The following CLEC3B variants were observed in gnomAD, a reference collection of about 807,000 sequenced individuals.
CLEC3B encodes the protein tetranectin.
A neutral mutation model predicts 15.4 loss-of-function variants in CLEC3B; 13 were observed. The observed-to-expected ratio is 0.84, with a 90% CI of 0.55 to 1.34. The LOEUF (loss-of-function observed/expected upper bound fraction) is 1.34, where lower values mean the gene tolerates loss of function less well. Ranked by LOEUF, CLEC3B falls within the 40% of genes most tolerant of loss-of-function variation. The pLI is 0.00. For missense variants in CLEC3B, 242 were observed against 268.6 expected, an observed-to-expected ratio of 0.90 and a Z score of 0.69; for synonymous variants, 112 against 114.7, an observed-to-expected ratio of 0.98 and a Z score of 0.15.
At chr3:45,026,544 TC>T in intron 1 of CLEC3B, 73 bp downstream of exon 1, 1 of 1,332,258 alleles carries the variant, frequency 7.5e-7, no homozygotes, top group South Asian at 1.2e-5. Context: ...GTCCTCATGC[TC>T]CTTTCCTTCA....
intron 1 of CLEC3B, among the ~76,000 whole-genome samples, chr3:45,028,193 C>T (rs1697509393): frequency 6.6e-6 from 1 of 152,256 alleles, no homozygotes; most frequent in Admixed American, 6.5e-5. Context: ...AACACCGTCT[C>T]TGCTCTTAAG....
chr3:45,030,899 T>G lies in CLEC3B; in HGVS notation c.182T>G (p.Leu61Arg), dbSNP rs1697544774. Residue 61 changes from leucine (L) to arginine (R), a missense_variant, in exon 2 of 3, where the codon CTG (leucine) becomes CGG (arginine). By Grantham distance (102) the Leu-to-Arg change is moderately radical. Transcript: ENST00000296130. ...ACCCTGGCCCAGGAGGTGGCCCTGCTGAAGGAGCAGCAGGCCCTGCAGACG... is the reference window on the plus strand; with the variant it reads ...ACCCTGGCCCAGGAGGTGGCCCTGCGGAAGGAGCAGCAGGCCCTGCAGACG... ...LDTLAQEVAL[L>R]KEQQALQTVC... 1 of 1,586,236 alleles carries G rather than the reference T, an allele frequency of 6.3e-7. No homozygotes were observed. The highest frequency in any genetic ancestry group is 8.6e-7 in the Non-Finnish European group (1 of 1,166,134).
intron 2 of CLEC3B, among the ~76,000 whole-genome samples, chr3:45,031,947 A>C (rs941055592): frequency 6.0e-5 from 9 of 151,210 alleles, no homozygotes; most frequent in Admixed American, 5.3e-4. Flanking sequence ...TGCTTGATGC[A>C]CGTTAACTCA....
chr3:45,029,859 C>A (rs1406587249), intron 1 of CLEC3B, among the ~76,000 whole-genome samples: 1 of 152,216 alleles, frequency 6.6e-6, no homozygotes, highest in Non-Finnish European at 1.5e-5. Flanking sequence ...TCCCCGCCTT[C>A]CCCTGCTGAC....
At chr3:45,027,279 A>C (rs897575964) in intron 1 of CLEC3B, among the ~76,000 whole-genome samples, 1 of 152,236 alleles carries the variant, frequency 6.6e-6, no homozygotes, top group African/African-American at 2.4e-5. Flanking sequence ...CCAAGGGCAC[A>C]GAAAAGGAAA....
At chr3:45,034,045 A>C (rs1367197316) in intron 2 of CLEC3B, among the ~76,000 whole-genome samples, 3 of 152,236 alleles carry the variant, frequency 2.0e-5, no homozygotes, top group Non-Finnish European at 4.4e-5. Context: ...CTTATGGGTC[A>C]GTCTTGGGTG....
chr3:45,032,450 C>G (rs962533348), intron 2 of CLEC3B, among the ~76,000 whole-genome samples: 1 of 152,196 alleles, frequency 6.6e-6, no homozygotes, highest in Admixed American at 6.5e-5. Context: ...TATAAGCTCT[C>G]CCAGAACAGT....
intron 1 of CLEC3B, among the ~76,000 whole-genome samples, chr3:45,027,248 C>T (rs1485877022): frequency 6.6e-6 from 1 of 152,174 alleles, no homozygotes; most frequent in African/African-American, 2.4e-5. Context: ...GGGACTGAGG[C>T]AGAGAAACAA....
chr3:45,036,048 G>T lies in CLEC3B; in HGVS notation c.*124G>T, dbSNP rs965059107. On this transcript the variant is annotated 3_prime_UTR_variant, in exon 3 of 3. Coordinates refer to ENST00000296130, the MANE Select transcript of CLEC3B (RefSeq NM_003278.3). ...CTTGGAGCCTCTTTTTGCAAATAAA[G>T]TTGGTGCAGCTTCGCGGAGAGGAGA... The T allele has an allele frequency of 1.0e-5, 12 of 1,188,912 alleles. No homozygotes were observed. The African/African-American group carries it at 1.7e-4, about 17-fold the overall frequency. 73.6% of individuals were successfully genotyped at this position (1,188,912 alleles called of 1,614,324 possible). A position where few individuals can be genotyped will look rare whatever the true frequency, so the allele number is the denominator to read the frequency against.
At chr3:45,034,577 G>C (rs184939070) in intron 2 of CLEC3B, 2 of 152,356 alleles carry the variant, frequency 1.3e-5, no homozygotes, top group Non-Finnish European at 1.5e-5. Flanking sequence ...GATCTCAGGA[G>C]AAATCAGAGT....
chr3:45,032,242 G>T (rs1049862906), intron 2 of CLEC3B, among the ~76,000 whole-genome samples: 1 of 151,970 alleles, frequency 6.6e-6, no homozygotes, highest in Non-Finnish European at 1.5e-5. Flanking sequence ...CCTTCTCACC[G>T]GATGGTTTTA....
rs1697641613 is a variant in CLEC3B, at chr3:45,036,068, A to T, written c.*144A>T. Reference sequence around the variant, plus strand: ...ATAAAGTTGGTGCAGCTTCGCGGAGAGGAGAGGCGCTGCAGTCTGTGCTGT... The same window carrying T: ...ATAAAGTTGGTGCAGCTTCGCGGAGTGGAGAGGCGCTGCAGTCTGTGCTGT... On this transcript the variant is annotated 3_prime_UTR_variant, in exon 3 of 3. Coordinates refer to ENST00000296130, the MANE Select transcript of CLEC3B (RefSeq NM_003278.3). 1 of 1,016,472 alleles carries T rather than the reference A, an allele frequency of 9.8e-7. No individual in the cohort carries two copies. Among genetic ancestry groups the T allele is most frequent in the Non-Finnish European group, 1.4e-6 (1 of 718,058 alleles). 63.0% of individuals were successfully genotyped at this position (1,016,472 alleles called of 1,614,324 possible). A position where few individuals can be genotyped will look rare whatever the true frequency, so the allele number is the denominator to read the frequency against.
chr3:45,030,959 C>T (rs1254340437), intron 2 of CLEC3B, 34 bp downstream of exon 2: 22 of 1,456,844 alleles, frequency 1.5e-5, no homozygotes, highest in African/African-American at 4.2e-5. Context: ...TGGGCAGGAG[C>T]GTCTGAGAGA....
chr3:45,028,353 C>T (rs1697512029), intron 1 of CLEC3B, among the ~76,000 whole-genome samples: 1 of 152,132 alleles, frequency 6.6e-6, no homozygotes, highest in Non-Finnish European at 1.5e-5. Context: ...GCCAGGAGTT[C>T]AAGACAAGTC....
chr3:45,031,716 C>T (rs552750919), intron 2 of CLEC3B, among the ~76,000 whole-genome samples: 1 of 152,322 alleles, frequency 6.6e-6, no homozygotes, highest in East Asian at 1.9e-4. Context: ...TTCTCACTCC[C>T]CATGTTCCTG....
At chr3:45,029,752 C>T (rs1697529262) in intron 1 of CLEC3B, among the ~76,000 whole-genome samples, 2 of 152,222 alleles carry the variant, frequency 1.3e-5, no homozygotes, top group African/African-American at 4.8e-5. Flanking sequence ...CCTGGTGTTT[C>T]AGAAAGACCA....
intron 1 of CLEC3B, among the ~76,000 whole-genome samples, chr3:45,029,671 A>G (rs532310750): frequency 1.3e-5 from 2 of 152,316 alleles, no homozygotes; most frequent in African/African-American, 2.4e-5. Flanking sequence ...ATGTATGCAG[A>G]CACAGCCAAA....
At chr3:45,028,229 A>G (rs1697510393) in intron 1 of CLEC3B, among the ~76,000 whole-genome samples, 1 of 152,236 alleles carries the variant, frequency 6.6e-6, no homozygotes, top group Non-Finnish European at 1.5e-5. Context: ...GTTCTCACTC[A>G]GGCATCAACA....
At chr3:45,029,107 T>C (rs1697520907) in intron 1 of CLEC3B, among the ~76,000 whole-genome samples, 1 of 152,110 alleles carries the variant, frequency 6.6e-6, no homozygotes, top group Non-Finnish European at 1.5e-5. Flanking sequence ...GCCTCCTGAC[T>C]CTGCCCAGGG....
Sources: gnomAD v4.1 joint callset for allele counts (sites outside exome capture counted in the v4.1 genomes callset) on GRCh38, gnomAD v4.1.1 for gene constraint, MANE v1.5 for transcripts, NCBI Gene and HGNC (gene_info 2026-07-23, HGNC 2026-07-21) for gene names.